Variants in CATSPERT observed in about 807,000 individuals in gnomAD.
CATSPERT encodes the protein cation channel sperm-associated targeting subunit tau.
chr2:201,494,769 T>G, the CATSPERT span: 1 of 1,482,180 alleles, frequency 6.7e-7, no homozygotes, highest in Admixed American at 2.5e-5. Flanking sequence ...ACTGCAATAT[T>G]AAAAAAAAGG....
chr2:201,584,232 G>C, the CATSPERT span, among the ~76,000 whole-genome samples: 1 of 152,202 alleles, frequency 6.6e-6, no homozygotes, highest in Non-Finnish European at 1.5e-5. Flanking sequence ...TGAGTCTGCA[G>C]TGAGCCGTGA....
the CATSPERT span, among the ~76,000 whole-genome samples, chr2:201,600,074 T>A: frequency 2.6e-5 from 4 of 152,100 alleles, no homozygotes; most frequent in Admixed American, 2.6e-4. Flanking sequence ...AACCCAGCGA[T>A]CCCATTACTG....
At chr2:201,599,763 T>C in the CATSPERT span, among the ~76,000 whole-genome samples, 7 of 152,202 alleles carry the variant, frequency 4.6e-5, no homozygotes, top group Non-Finnish European at 1.0e-4. Context: ...CAGATTTTGA[T>C]TATGCTAATG....
At chr2:201,607,135 C>G in the CATSPERT span, among the ~76,000 whole-genome samples, 1 of 152,114 alleles carries the variant, frequency 6.6e-6, no homozygotes, top group South Asian at 2.1e-4. Context: ...AAGCTCTCCA[C>G]TTCAAAGATA....
At chr2:201,614,433 C>T in the CATSPERT span, among the ~76,000 whole-genome samples, 1 of 152,142 alleles carries the variant, frequency 6.6e-6, no homozygotes, top group Non-Finnish European at 1.5e-5. Context: ...GAATTTTCAA[C>T]CCAGAATTTC....
At chr2:201,499,115 C>A in the CATSPERT span, among the ~76,000 whole-genome samples, 2,154 of 152,224 alleles carry the variant, frequency 0.014, 19 homozygotes, top group Non-Finnish European at 0.017. Flanking sequence ...AATCAACATA[C>A]CCCTCCATTT....
chr2:201,602,512 T>C, the CATSPERT span, among the ~76,000 whole-genome samples: 1 of 152,176 alleles, frequency 6.6e-6, no homozygotes, highest in Non-Finnish European at 1.5e-5. Flanking sequence ...CTCAGCTTGT[T>C]TAAAAGCACC....
chr2:201,510,930 A>C, the CATSPERT span, among the ~76,000 whole-genome samples: 3 of 152,246 alleles, frequency 2.0e-5, no homozygotes, highest in Non-Finnish European at 4.4e-5. Flanking sequence ...CAGCATAGAT[A>C]ATGTATTGTT....
chr2:201,551,823 G>A, the CATSPERT span, among the ~76,000 whole-genome samples: 2 of 151,152 alleles, frequency 1.3e-5, no homozygotes, highest in African/African-American at 4.9e-5. Flanking sequence ...CAGGAGAATC[G>A]CTTTAACCCG....
the CATSPERT span, among the ~76,000 whole-genome samples, chr2:201,542,616 T>C: frequency 9.8e-5 from 15 of 152,340 alleles, no homozygotes; most frequent in Admixed American, 2.6e-4. Context: ...TTAATGATGA[T>C]AAACAGTTTT....
chr2:201,502,072 T>C, the CATSPERT span, among the ~76,000 whole-genome samples: 2 of 152,132 alleles, frequency 1.3e-5, no homozygotes, highest in Non-Finnish European at 2.9e-5. Flanking sequence ...AAAACTATGT[T>C]CCCTCCAGTT....
the CATSPERT span, among the ~76,000 whole-genome samples, chr2:201,498,362 T>C: frequency 6.6e-6 from 1 of 152,052 alleles, no homozygotes; most frequent in South Asian, 2.1e-4. Flanking sequence ...ACCTGGAGTC[T>C]GATGTCCCAG....
chr2:201,610,313 C>A, the CATSPERT span, among the ~76,000 whole-genome samples: 370 of 152,128 alleles, frequency 2.4e-3, no homozygotes, highest in African/African-American at 8.3e-3. Flanking sequence ...AAAAAATTAG[C>A]CGGGCGTGGT....
the CATSPERT span, among the ~76,000 whole-genome samples, chr2:201,590,791 G>C: frequency 3.1e-3 from 468 of 151,872 alleles, 3 homozygotes; most frequent in African/African-American, 0.01. Flanking sequence ...CTTCTTTTGA[G>C]AAGTGTCTGT....
chr2:201,493,513 A>G, the CATSPERT span: 2 of 1,537,046 alleles, frequency 1.3e-6, no homozygotes, highest in Non-Finnish European at 1.7e-6. Flanking sequence ...CACTTTGATT[A>G]TCCCAGATTC....
the CATSPERT span, among the ~76,000 whole-genome samples, chr2:201,499,711 A>C: frequency 1.3e-5 from 2 of 151,876 alleles, no homozygotes; most frequent in Admixed American, 1.3e-4. Context: ...GGTGCAGCCT[A>C]TGGTCCCAGC....
At chr2:201,574,108 A>T in the CATSPERT span, 1 of 798,940 alleles carries the variant, frequency 1.3e-6, no homozygotes, top group African/African-American at 1.8e-5. Flanking sequence ...TTTTAAAAAT[A>T]TTTATTTTAA....
the CATSPERT span, among the ~76,000 whole-genome samples, chr2:201,508,694 T>C: frequency 6.6e-6 from 1 of 152,236 alleles, no homozygotes; most frequent in Admixed American, 6.5e-5. Context: ...CAGTGAGCCA[T>C]GATCGCACTC....
the CATSPERT span, chr2:201,535,810 T>C: frequency 7.0e-7 from 1 of 1,434,332 alleles, no homozygotes; most frequent in Middle Eastern, 1.8e-4. Context: ...CCTAGTCTTA[T>C]ACTTCTAATA....
Sources: gnomAD v4.1 joint callset for allele counts (sites outside exome capture counted in the v4.1 genomes callset) on GRCh38, gnomAD v4.1.1 for gene constraint, MANE v1.5 for transcripts, NCBI Gene and HGNC (gene_info 2026-07-23, HGNC 2026-07-21) for gene names.